The following NTM variants were observed in gnomAD, a reference collection of about 807,000 sequenced individuals.
The protein encoded by NTM is neurotrimin.
A neutral mutation model predicts 42.1 loss-of-function variants in NTM; 13 were observed. That is an observed-to-expected ratio of 0.31 (90% CI 0.20 to 0.49). NTM has a LOEUF of 0.49. Ranked by LOEUF, NTM falls within the 20% of genes least tolerant of loss-of-function variation. The pLI is 0.99. For missense variants in NTM, 373 were observed against 452.8 expected (o/e 0.82, Z 1.60); for synonymous variants, 187 against 179.2 (o/e 1.04, Z -0.35).
intron 1 of NTM, among the ~76,000 whole-genome samples, chr11:131,548,470 C>T (rs2054233708): frequency 6.6e-6 from 1 of 151,976 alleles, no homozygotes; most frequent in South Asian, 2.1e-4. Context: ...TTTCTTCTCC[C>T]CAGAGACTCA....
chr11:131,876,425 C>T (rs958606881), intron 1 of NTM, among the ~76,000 whole-genome samples: 5 of 152,234 alleles, frequency 3.3e-5, no homozygotes, highest in African/African-American at 9.6e-5. Flanking sequence ...CATAACCAAT[C>T]TTTAATCCCT....
intron 4 of NTM, among the ~76,000 whole-genome samples, chr11:132,287,818 T>A (rs1327972822): frequency 2.0e-5 from 3 of 152,156 alleles, no homozygotes; most frequent in Non-Finnish European, 4.4e-5. Flanking sequence ...CAATTTTGGG[T>A]CGGTATGCAT....
chr11:131,857,952 T>A (rs1204854114), intron 1 of NTM, among the ~76,000 whole-genome samples: 1 of 152,102 alleles, frequency 6.6e-6, no homozygotes, highest in Non-Finnish European at 1.5e-5. Context: ...TATTGTCTGG[T>A]TCCTGACAGC....
At chr11:131,763,141 A>G (rs920335125) in intron 1 of NTM, among the ~76,000 whole-genome samples, 1 of 152,186 alleles carries the variant, frequency 6.6e-6, no homozygotes, top group African/African-American at 2.4e-5. Flanking sequence ...CCAGATCTCC[A>G]TAAACACACC....
chr11:131,481,720 T>C (rs1462286256), intron 1 of NTM, among the ~76,000 whole-genome samples: 2 of 152,174 alleles, frequency 1.3e-5, no homozygotes. Flanking sequence ...TGGCCTCCCC[T>C]TACCATCACT....
At position 131,409,055 on chromosome 11, in the gene NTM, G is replaced by A. The variant is rs531595615; in HGVS notation, c.82+38167G>A. On this transcript the variant is annotated intron_variant, in intron 1 of 8. Coordinates refer to ENST00000683400, the MANE Select transcript of NTM (RefSeq NM_001352005.2). Reference sequence around the variant, plus strand: ...GCAAGAGGTTGCTAAGACATTATCTGCACCCTCCAAAGCTGTCAGGGCCTA... The same window carrying A: ...GCAAGAGGTTGCTAAGACATTATCTACACCCTCCAAAGCTGTCAGGGCCTA... Among the ~76,000 whole-genome samples the A allele has an allele frequency of 2.0e-5, 3 of 152,316 alleles. No homozygotes were observed. The South Asian group carries it at 6.2e-4, about 32-fold the overall frequency.
chr11:132,123,324 C>T (rs1462524424), intron 2 of NTM, among the ~76,000 whole-genome samples: 16 of 152,136 alleles, frequency 1.1e-4, no homozygotes, highest in African/African-American at 3.4e-4. Context: ...GAGGCTCTCT[C>T]GTAGGTGAAG....
At chr11:131,821,620 A>G (rs1005073219) in intron 1 of NTM, among the ~76,000 whole-genome samples, 6 of 152,262 alleles carry the variant, frequency 3.9e-5, no homozygotes. Context: ...AAGCAAAGCG[A>G]CAAGCACAAT....
In NTM at chr11:131,370,815, C is replaced by A. The variant is rs779172230; in HGVS notation, c.9C>A (p.Thr3=). The part of the protein sequence containing the change: MK[T]IQPKMHNSIS... Reference sequence around the variant, plus strand: ...GAAGAAGAAAAAAAATCATGAAAACCATCCAGCCAAAAATGCACAATTCTA... The same window carrying A: ...GAAGAAGAAAAAAAATCATGAAAACAATCCAGCCAAAAATGCACAATTCTA... Residue 3 remains threonine (T), a synonymous_variant, in exon 1 of 9, where the codon ACC becomes ACA. Transcript: ENST00000683400. 1.2e-6 allele frequency: 2 copies of A among 1,613,136 alleles called. No individual in the cohort carries two copies. Among genetic ancestry groups the A allele is most frequent in the Non-Finnish European group, 1.7e-6 (2 of 1,179,664 alleles).
intron 1 of NTM, among the ~76,000 whole-genome samples, chr11:131,870,035 G>A (rs951440282): frequency 1.3e-5 from 2 of 152,234 alleles, no homozygotes; most frequent in African/African-American, 4.8e-5. Context: ...GGAAGTTTAA[G>A]TAACTTGATG....
chr11:132,095,211 G>T (rs1431675392), intron 2 of NTM, among the ~76,000 whole-genome samples: 1 of 152,160 alleles, frequency 6.6e-6, no homozygotes, highest in African/African-American at 2.4e-5. Context: ...CTCTTCATCT[G>T]CTGCTCACAC....
chr11:132,112,656 G>C (rs554354343), intron 2 of NTM, among the ~76,000 whole-genome samples: 5 of 151,840 alleles, frequency 3.3e-5, no homozygotes, highest in Admixed American at 1.3e-4. Flanking sequence ...CGGGCTCTCA[G>C]AGGGCAAAAC....
At chr11:132,179,196 G>A (rs529711866) in intron 3 of NTM, among the ~76,000 whole-genome samples, 5 of 152,260 alleles carry the variant, frequency 3.3e-5, no homozygotes, top group African/African-American at 7.2e-5. Flanking sequence ...AAACCAAACC[G>A]GATCAAGGTG....
At chr11:131,455,939 A>T (rs1483266451) in intron 1 of NTM, among the ~76,000 whole-genome samples, 1 of 152,242 alleles carries the variant, frequency 6.6e-6, no homozygotes, top group Non-Finnish European at 1.5e-5. Context: ...CTGATGAACA[A>T]AGAGAAAGTT....
chr11:132,045,762 C>G (rs1042666620), intron 2 of NTM, among the ~76,000 whole-genome samples: 1 of 152,128 alleles, frequency 6.6e-6, no homozygotes, highest in Non-Finnish European at 1.5e-5. Context: ...TCCCACGGCA[C>G]AGCACGTGGG....
In NTM at chr11:132,005,495, T is replaced by C. The variant is rs577867482; in HGVS notation, c.167+93847T>C. Among the ~76,000 whole-genome samples the C allele has an allele frequency of 2.0e-5, 3 of 152,264 alleles. No homozygotes were observed. The South Asian group carries it at 6.2e-4, about 32-fold the overall frequency. ...TAGTTAAATGGTTTGGAATAAATGA[T>C]TGAATGAGTGAAAGATGAATGAATG... is the stretch of plus-strand genomic sequence containing the variant. On this transcript the variant is annotated intron_variant, in intron 2 of 8. Coordinates refer to ENST00000683400, the MANE Select transcript of NTM (RefSeq NM_001352005.2).
intron 1 of NTM, among the ~76,000 whole-genome samples, chr11:131,905,852 C>A (rs1341035864): frequency 6.6e-6 from 1 of 152,106 alleles, no homozygotes; most frequent in Non-Finnish European, 1.5e-5. Flanking sequence ...CTCCTAATAC[C>A]CCTTCCAGTG....
chr11:131,870,956 G>C (rs78427691), intron 1 of NTM, among the ~76,000 whole-genome samples: 3,825 of 152,242 alleles, frequency 0.025, 143 homozygotes, highest in African/African-American at 0.085. Context: ...GTAAGATTGG[G>C]TCTATTTAAG....
chr11:131,523,839 A>G (rs118125999), intron 1 of NTM, among the ~76,000 whole-genome samples: 2,218 of 151,698 alleles, frequency 0.015, 32 homozygotes, highest in Middle Eastern at 0.034. Flanking sequence ...AAGAAGAGAC[A>G]TTAAGGTATA....
Sources: allele counts gnomAD v4.1 joint callset (sites outside exome capture counted in the v4.1 genomes callset), GRCh38; gene constraint gnomAD v4.1.1; transcripts MANE v1.5; gene names NCBI Gene and HGNC (gene_info 2026-07-23, HGNC 2026-07-21).